The following RYR2 variants were observed in gnomAD, a reference collection of about 807,000 sequenced individuals.
RYR2 encodes ryanodine receptor 2, also known as cardiac muscle ryanodine receptor-calcium release channel.
A neutral mutation model predicts 601.1 loss-of-function variants in RYR2; 227 were observed. The ratio of observed to expected loss-of-function variants is 0.38; its 90% CI spans 0.34 to 0.42. The LOEUF (loss-of-function observed/expected upper bound fraction) is 0.42, where lower values mean the gene tolerates loss of function less well. Among genes scored for constraint, RYR2 ranks in the 10% least tolerant of loss-of-function variants. The pLI is 1.00. For missense variants in RYR2, 4,646 were observed against 6,156.5 expected (o/e 0.75, Z 8.21); for synonymous variants, 2,223 against 2,175.1 (o/e 1.02, Z -0.61).
chr1:237,208,693 T>C (rs558431021), intron 1 of RYR2, among the ~76,000 whole-genome samples: 16 of 151,506 alleles, frequency 1.1e-4, no homozygotes, highest in Non-Finnish European at 1.9e-4. Flanking sequence ...CCTCACAGAG[T>C]TACCTTTTTT....
intron 73 of RYR2, among the ~76,000 whole-genome samples, chr1:237,721,795 C>T (rs1689738986): frequency 6.6e-6 from 1 of 152,192 alleles, no homozygotes; most frequent in South Asian, 2.1e-4. Context: ...GCTGGGATTA[C>T]AGGAGTGAGC....
At position 237,806,220 on chromosome 1, in the gene RYR2, C is replaced by T. The variant is rs1660618295; in HGVS notation, c.14235C>T (p.Asp4745=). 6.2e-7 allele frequency: 1 copy of T among 1,613,180 alleles called. No individual in the cohort carries two copies. Among genetic ancestry groups the T allele is most frequent in the East Asian group, 2.2e-5 (1 of 44,854 alleles). The change falls in exon 99 of 105, where the codon GAC becomes GAT. Residue 4745 remains aspartate, a synonymous_variant. Coordinates refer to ENST00000366574, the MANE Select transcript of RYR2 (RefSeq NM_001035.3). ...NNFFFAAHLL[D]IAMGFKTLRT... is the part of the protein sequence containing the mutation. ...TTTTTTTTGCCGCTCACCTTCTCGA[C>T]ATTGCTATGGGATTCAAGACATTAA...
chr1:237,561,656 G>T (rs1395581423), intron 27 of RYR2, among the ~76,000 whole-genome samples: 1 of 152,176 alleles, frequency 6.6e-6, no homozygotes. Context: ...AAGGTAGAAA[G>T]ATTAGGGCAA....
chr1:237,815,367 C>T (rs1661711166), intron 100 of RYR2, among the ~76,000 whole-genome samples: 2 of 152,170 alleles, frequency 1.3e-5, no homozygotes, highest in South Asian at 4.1e-4. Context: ...AGTTATTCAC[C>T]ACATACCTCC....
chr1:237,364,422 C>A (rs1444568335), intron 5 of RYR2, 50 bp downstream of exon 5: 5 of 1,028,842 alleles, frequency 4.9e-6, no homozygotes, highest in Non-Finnish European at 7.1e-6. Context: ...AGATATATTA[C>A]TATATATGGA....
chr1:237,344,458 A>G (rs1215392095), intron 3 of RYR2, among the ~76,000 whole-genome samples: 1 of 152,116 alleles, frequency 6.6e-6, no homozygotes, highest in Non-Finnish European at 1.5e-5. Context: ...AATATGCTAC[A>G]CTTAATTCAG....
chr1:237,584,649 G>GTTTTTTGTTTTTTTTTT (rs763528934), intron 29 of RYR2, among the ~76,000 whole-genome samples: 4 of 72,464 alleles, frequency 5.5e-5, no homozygotes, highest in Admixed American at 2.1e-4. Context: ...CTCACCACCT[G>GTTTTTTGTTTTTTTTTT]TTTTTTTTTT....
intron 1 of RYR2, among the ~76,000 whole-genome samples, chr1:237,151,471 T>C (rs1674700064): frequency 6.6e-6 from 1 of 152,166 alleles, no homozygotes; most frequent in Non-Finnish European, 1.5e-5. Context: ...TTAAGTGATG[T>C]TTCTTGCTGT....
intron 1 of RYR2, among the ~76,000 whole-genome samples, chr1:237,269,021 T>G (rs573726992): frequency 1.4e-5 from 2 of 147,104 alleles, no homozygotes; most frequent in East Asian, 4.0e-4. Context: ...AGTGGCACCT[T>G]TCCAATTTAT....
intron 49 of RYR2, 53 bp downstream of exon 49, chr1:237,648,666 T>A (rs1682418641): frequency 6.5e-7 from 1 of 1,527,258 alleles, no homozygotes; most frequent in Non-Finnish European, 8.8e-7. Context: ...CTCTGTGCCT[T>A]ATGATGTTCT....
chr1:237,052,997 C>T (rs567519073), intron 1 of RYR2, among the ~76,000 whole-genome samples: 78 of 152,130 alleles, frequency 5.1e-4, no homozygotes, highest in South Asian at 1.7e-3. Context: ...TACAGGTGCC[C>T]GCCACCATGC....
intron 2 of RYR2, among the ~76,000 whole-genome samples, chr1:237,307,690 C>T (rs1016481198): frequency 7.2e-5 from 11 of 152,136 alleles, no homozygotes; most frequent in African/African-American, 2.7e-4. Context: ...AGAGTCTGTT[C>T]CATTCCTTAT....
intron 2 of RYR2, among the ~76,000 whole-genome samples, chr1:237,325,529 A>C (rs1572608870): frequency 6.6e-6 from 1 of 151,916 alleles, no homozygotes; most frequent in South Asian, 2.1e-4. Flanking sequence ...TCTACTAAAA[A>C]TACAAAAATT....
intron 1 of RYR2, among the ~76,000 whole-genome samples, chr1:237,061,642 A>G (rs185834148): frequency 2.0e-5 from 3 of 152,276 alleles, no homozygotes; most frequent in East Asian, 1.9e-4. Flanking sequence ...AGTATTTTAT[A>G]TGATGTGAAT....
rs1330567259 is a variant in RYR2, at chr1:237,127,636, C to T, written c.48+85067C>T. Among the ~76,000 whole-genome samples, 17 of 150,664 alleles carry T rather than the reference C, an allele frequency of 1.1e-4. 1 individual carries two copies. In the East Asian group the frequency reaches 2.2e-3, roughly 20 times the overall value. ...GCTCCTCACTTCCCAGACGGGGCGG[C>T]TGCCGGGCGGAGGGTCTCCTCACTT... On this transcript the variant is annotated intron_variant, in intron 1 of 104. Coordinates refer to ENST00000366574, the MANE Select transcript of RYR2 (RefSeq NM_001035.3).
intron 40 of RYR2, among the ~76,000 whole-genome samples, 191 bp from the exon 41 acceptor site, chr1:237,627,616 A>C (rs141769425): frequency 1.3e-5 from 2 of 152,322 alleles, no homozygotes; most frequent in East Asian, 3.9e-4. Flanking sequence ...TCTTTGCATG[A>C]TTGTAACTGA....
At chr1:237,333,983 T>G (rs955344041) in intron 3 of RYR2, among the ~76,000 whole-genome samples, 2 of 152,220 alleles carry the variant, frequency 1.3e-5, no homozygotes, top group East Asian at 1.9e-4. Context: ...TCTTTTTTAT[T>G]TAATAATTCT....
intron 1 of RYR2, among the ~76,000 whole-genome samples, chr1:237,188,828 C>T (rs994653401): frequency 1.3e-5 from 2 of 152,112 alleles, no homozygotes; most frequent in African/African-American, 2.4e-5. Flanking sequence ...TTTGTAGACT[C>T]GATGCGGACT....
chr1:237,200,455 G>A (rs1572180511), intron 1 of RYR2, among the ~76,000 whole-genome samples: 1 of 152,106 alleles, frequency 6.6e-6, no homozygotes, highest in African/African-American at 2.4e-5. Flanking sequence ...AGTAGAGACG[G>A]TGTTGCACCA....
Sources: allele counts gnomAD v4.1 joint callset (sites outside exome capture counted in the v4.1 genomes callset), GRCh38; gene constraint gnomAD v4.1.1; transcripts MANE v1.5; gene names NCBI Gene and HGNC (gene_info 2026-07-23, HGNC 2026-07-21).